KDM4C: variants seen among roughly 807,000 people sequenced by gnomAD.
The protein encoded by KDM4C is lysine-specific demethylase 4C.
In KDM4C, 81 loss-of-function variants were observed where a neutral mutation model predicts 129.3. The ratio of observed to expected loss-of-function variants is 0.63; its 90% CI spans 0.52 to 0.75. The LOEUF (loss-of-function observed/expected upper bound fraction) is 0.75, where lower values mean the gene tolerates loss of function less well. Among genes scored for constraint, KDM4C ranks in the 30% least tolerant of loss-of-function variants. KDM4C has a pLI of 0.00. For synonymous variants in KDM4C, 573 were observed against 456.1 expected, an observed-to-expected ratio of 1.26 and a Z score of -3.26; for missense variants, 1,457 against 1,304.0, an observed-to-expected ratio of 1.12 and a Z score of -1.81.
intron 8 of KDM4C, among the ~76,000 whole-genome samples, chr9:6,907,216 G>A (rs553665629): frequency 2.6e-5 from 4 of 152,236 alleles, no homozygotes; most frequent in African/African-American, 9.6e-5. Context: ...TTAGCATGAA[G>A]CTGTATTTTT....
intron 5 of KDM4C, among the ~76,000 whole-genome samples, chr9:6,867,351 G>A (rs529339047): frequency 2.0e-5 from 3 of 152,150 alleles, no homozygotes; most frequent in Non-Finnish European, 4.4e-5. Flanking sequence ...TGTGAAGGTT[G>A]TGGGAGGAGT....
At chr9:6,739,556 G>A (rs1052698195) in intron 1 of KDM4C, among the ~76,000 whole-genome samples, 2 of 151,884 alleles carry the variant, frequency 1.3e-5, no homozygotes, top group Admixed American at 1.3e-4. Flanking sequence ...AGCATTAAAT[G>A]TGGTTACCCA....
At chr9:6,801,028 G>A (rs1234929195) in intron 2 of KDM4C, among the ~76,000 whole-genome samples, 1 of 152,124 alleles carries the variant, frequency 6.6e-6, no homozygotes, top group Non-Finnish European at 1.5e-5. Flanking sequence ...CTCACTGTGA[G>A]GTGGTTTTAT....
upstream of KDM4C, among the ~76,000 whole-genome samples, chr9:6,752,764 T>C (rs1177047074): frequency 6.6e-6 from 1 of 152,186 alleles, no homozygotes; most frequent in Admixed American, 6.6e-5. Context: ...TTCCAACTAA[T>C]ATATGAATTT....
chr9:7,098,492 C>G (rs879669003), intron 17 of KDM4C, among the ~76,000 whole-genome samples: 7 of 152,202 alleles, frequency 4.6e-5, no homozygotes, highest in Non-Finnish European at 2.9e-5. Context: ...GGAAGAGAGA[C>G]AGAGGACTTA....
chr9:6,857,247 A>T (rs1840026951), intron 5 of KDM4C, among the ~76,000 whole-genome samples: 1 of 152,202 alleles, frequency 6.6e-6, no homozygotes, highest in Non-Finnish European at 1.5e-5. Flanking sequence ...AACCTGGTTA[A>T]CATAGGGACA....
chr9:6,842,435 C>T (rs577339195), intron 4 of KDM4C, among the ~76,000 whole-genome samples: 53 of 150,686 alleles, frequency 3.5e-4, no homozygotes, highest in Admixed American at 8.0e-4. Flanking sequence ...CCTGGGTTCA[C>T]GTGATTCTCT....
At chr9:6,724,973 C>T (rs570501495) in intron 1 of KDM4C, among the ~76,000 whole-genome samples, 1 of 152,264 alleles carries the variant, frequency 6.6e-6, no homozygotes, top group Admixed American at 6.5e-5. Context: ...GCACTCCCTC[C>T]AGAGGCTCTG....
chr9:6,945,943 G>A (rs1156481508), intron 8 of KDM4C, among the ~76,000 whole-genome samples: 1 of 152,106 alleles, frequency 6.6e-6, no homozygotes, highest in Non-Finnish European at 1.5e-5. Context: ...TGGTCCAGAT[G>A]TCTTTTCTAT....
At chr9:7,048,116 T>G (rs1006710123) in intron 16 of KDM4C, among the ~76,000 whole-genome samples, 1 of 152,094 alleles carries the variant, frequency 6.6e-6, no homozygotes, top group African/African-American at 2.4e-5. Flanking sequence ...CTTCACTAGT[T>G]CTTGGATATT....
chr9:6,790,972 T>C (rs10975830), intron 1 of KDM4C, among the ~76,000 whole-genome samples: 14,679 of 152,206 alleles, frequency 0.096, 793 homozygotes, highest in Middle Eastern at 0.14. Context: ...TCCAGACACA[T>C]TATTAAACTC....
intron 17 of KDM4C, among the ~76,000 whole-genome samples, chr9:7,091,602 GC>G (rs144850328): frequency 0.028 from 4,241 of 152,256 alleles, 164 homozygotes; most frequent in African/African-American, 0.097. Context: ...ACTAAACATG[GC>G]TACAAGAACA....
chr9:7,060,454 GTTATTATTATTA>G lies in KDM4C; in HGVS notation c.2424+11287_2424+11298del, dbSNP rs147100950. Among the ~76,000 whole-genome samples the G allele has an allele frequency of 8.6e-3, 1,094 of 127,532 alleles. 67 individuals are homozygous for G. In the East Asian group the frequency reaches 0.18, roughly 20 times the overall value. 83.7% of individuals were successfully genotyped at this position (127,532 alleles called of 152,430 possible). On this transcript the variant is annotated intron_variant, in intron 17 of 21. Transcript: ENST00000381309. ...GGGATGACTTTTTAGCAGTATTGTT[GTTATTATTATTA>G]TTATTATTATTATTATTATTATTAT...
chr9:6,944,652 G>GTTTTATTTTT (rs1393031275), intron 8 of KDM4C, among the ~76,000 whole-genome samples: 1 of 80,990 alleles, frequency 1.2e-5, no homozygotes, highest in Non-Finnish European at 2.2e-5. Context: ...CAAGGTAGAG[G>GTTTTATTTTT]TTTTTTTTTT....
Position 6,986,593 on chromosome 9 carries a change from A to G in KDM4C, c.1604A>G (p.His535Arg). 1 of 1,614,176 alleles carries G rather than the reference A, an allele frequency of 6.2e-7. No homozygotes were observed. The highest frequency in any genetic ancestry group is 8.5e-7 in the Non-Finnish European group (1 of 1,180,016). ...TEGEESDVESHGNGLEPGEIP... is the reference protein window; with the variant it reads ...TEGEESDVESRGNGLEPGEIP... ...GGAGAAGAGAGTGATGTGGAGAGCCATGGGAATGGCCTTGAACCTGGGGAA... is the reference window on the plus strand; with the variant it reads ...GGAGAAGAGAGTGATGTGGAGAGCCGTGGGAATGGCCTTGAACCTGGGGAA... Residue 535 changes from histidine to arginine, a missense_variant, in exon 11 of 22, where the codon CAT becomes CGT. His to Arg is a conservative substitution (Grantham distance 29). Transcript: ENST00000381309.
intron 12 of KDM4C, among the ~76,000 whole-genome samples, chr9:7,005,680 C>T (rs1380327390): frequency 6.6e-6 from 1 of 152,058 alleles, no homozygotes; most frequent in East Asian, 1.9e-4. Flanking sequence ...ATGTTGGAGG[C>T]CTAGAGGGGA....
intron 8 of KDM4C, among the ~76,000 whole-genome samples, chr9:6,913,393 GAATCTA>G (rs1403489635): frequency 6.6e-6 from 1 of 152,196 alleles, no homozygotes. Context: ...AACATTTAAA[GAATCTA>G]ATGCACTGTC....
chr9:7,089,250 A>AT (rs113100667), intron 17 of KDM4C, among the ~76,000 whole-genome samples: 5 of 151,620 alleles, frequency 3.3e-5, no homozygotes, highest in Admixed American at 6.6e-5. Context: ...ATTTTATTTT[A>AT]TTTTTTTTGC....
chr9:6,811,960 T>C (rs867131284), intron 3 of KDM4C, among the ~76,000 whole-genome samples: 3 of 152,244 alleles, frequency 2.0e-5, no homozygotes, highest in African/African-American at 4.8e-5. Flanking sequence ...GGAAGGACTC[T>C]GATCAGTTAC....
Sources: allele counts gnomAD v4.1 joint callset (sites outside exome capture counted in the v4.1 genomes callset), GRCh38; gene constraint gnomAD v4.1.1; transcripts MANE v1.5; gene names NCBI Gene and HGNC (gene_info 2026-07-23, HGNC 2026-07-21).